Variants in PTPRD observed in about 807,000 individuals in gnomAD.
The protein encoded by PTPRD is protein tyrosine phosphatase receptor type D, also known as receptor-type tyrosine-protein phosphatase delta.
PTPRD carries 34 observed loss-of-function variants against 214.5 expected under a neutral mutation model. The observed-to-expected ratio is 0.16, with a 90% confidence interval of 0.12 to 0.21. PTPRD has a LOEUF of 0.21. PTPRD is among the 10% of genes least tolerant of loss of function. PTPRD has a pLI of 1.00. For missense variants in PTPRD, 2,545 were observed against 2,398.7 expected (o/e 1.06, Z -1.27); for synonymous variants, 1,128 against 845.7 (o/e 1.33, Z -5.79).
chr9:10,593,792 A>C (rs1423280588), intron 2 of PTPRD, among the ~76,000 whole-genome samples: 1 of 152,004 alleles, frequency 6.6e-6, no homozygotes, highest in Non-Finnish European at 1.5e-5. Flanking sequence ...TCCATAAAAA[A>C]ACTAAGCCTA....
At chr9:10,551,324 G>A (rs1428446353) in intron 2 of PTPRD, among the ~76,000 whole-genome samples, 1 of 152,098 alleles carries the variant, frequency 6.6e-6, no homozygotes, top group Non-Finnish European at 1.5e-5. Flanking sequence ...GGACTACACA[G>A]GGAGACCTTG....
chr9:10,210,423 A>G (rs1473894154), intron 3 of PTPRD, among the ~76,000 whole-genome samples: 1 of 152,128 alleles, frequency 6.6e-6, no homozygotes, highest in Non-Finnish European at 1.5e-5. Context: ...CCATGGATCA[A>G]TAACTAAGGT....
At chr9:10,219,427 T>C (rs766014620) in intron 3 of PTPRD, among the ~76,000 whole-genome samples, 10 of 151,884 alleles carry the variant, frequency 6.6e-5, no homozygotes, top group Non-Finnish European at 1.3e-4. Context: ...AGTTAATTTC[T>C]ATTCATGCTG....
chr9:10,536,940 G>A (rs1455468997), intron 2 of PTPRD, among the ~76,000 whole-genome samples: 1 of 152,046 alleles, frequency 6.6e-6, no homozygotes, highest in African/African-American at 2.4e-5. Context: ...TAATAGTAAA[G>A]CAGTACGGTT....
Position 9,737,717 on chromosome 9 carries a change from C to G in PTPRD, c.-325-3146G>C, listed in dbSNP as rs184830654. ...AAAATATTTCATCGAATGGATATAC[C>G]ACATATTGTTTATTCACTAGCCGAA... On this transcript the variant is annotated intron_variant, in intron 6 of 45. Transcript: ENST00000381196. Among the ~76,000 whole-genome samples the G allele has an allele frequency of 2.1e-3, 321 of 152,128 alleles. 1 individual carries two copies. Among genetic ancestry groups the G allele is most frequent in the African/African-American group, 7.2e-3 (299 of 41,508 alleles).
chr9:8,515,708 G>C (rs2097770628), intron 21 of PTPRD, among the ~76,000 whole-genome samples: 1 of 152,152 alleles, frequency 6.6e-6, no homozygotes, highest in Non-Finnish European at 1.5e-5. Flanking sequence ...ACCAACAGAA[G>C]TTAGGGCAGC....
chr9:9,569,066 T>C (rs1308874922), intron 8 of PTPRD, among the ~76,000 whole-genome samples: 1 of 151,756 alleles, frequency 6.6e-6, no homozygotes, highest in African/African-American at 2.4e-5. Context: ...TTTTGCTAGG[T>C]AATGGCCATT....
At chr9:10,478,220 T>G (rs756062940) in intron 2 of PTPRD, among the ~76,000 whole-genome samples, 30 of 152,220 alleles carry the variant, frequency 2.0e-4, no homozygotes, top group Non-Finnish European at 4.1e-4. Context: ...TAGTCATTAT[T>G]TCCCATTGAA....
chr9:9,778,653 G>T (rs2761723), intron 5 of PTPRD, among the ~76,000 whole-genome samples: 61,130 of 151,768 alleles, frequency 0.4, 12,528 homozygotes, highest in African/African-American at 0.48. Flanking sequence ...GCAGGAACAG[G>T]TACACAGTGT....
At chr9:10,056,268 C>T (rs2097646273) in intron 3 of PTPRD, among the ~76,000 whole-genome samples, 1 of 151,068 alleles carries the variant, frequency 6.6e-6, no homozygotes, top group South Asian at 2.1e-4. Flanking sequence ...TTGCAGTGAG[C>T]TGAGATCACG....
At position 9,400,092 on chromosome 9, in the gene PTPRD, G is replaced by GTTTTTTTTTTTTTTTT. The variant is rs3048790; in HGVS notation, c.-236-2626_-236-2611dup. Among the ~76,000 whole-genome samples the GTTTTTTTTTTTTTTTT allele has an allele frequency of 3.0e-5, 3 of 101,084 alleles. 1 individual carries two copies. The highest frequency in any genetic ancestry group is 3.9e-5 in the Non-Finnish European group (2 of 50,752). The allele number at this position is 101,084 out of a possible 152,430, so 66.3% of individuals were successfully genotyped here. A position where few individuals can be genotyped will look rare whatever the true frequency, so the allele number is the denominator to read the frequency against. ...AGTGTGGACCTAACTTTACCTACTAGTTTTTTTTTTTTTTTTTTGGACTGG... is the reference window on the plus strand; with the variant it reads ...AGTGTGGACCTAACTTTACCTACTAGTTTTTTTTTTTTTTTTTTTTTTTTTTTTTTTTTTGGACTGG... On this transcript the variant is annotated intron_variant, in intron 8 of 45. Coordinates refer to ENST00000381196, the MANE Select transcript of PTPRD (RefSeq NM_002839.4).
At chr9:8,471,481 A>G (rs7852952) in intron 30 of PTPRD, among the ~76,000 whole-genome samples, 129,263 of 152,100 alleles carry the variant, frequency 0.85, 55,524 homozygotes, top group East Asian at 0.96. Context: ...AAAGGAGGAT[A>G]TAGATGAAAA....
chr9:10,002,995 T>C (rs1448591386), intron 4 of PTPRD, among the ~76,000 whole-genome samples: 1 of 151,548 alleles, frequency 6.6e-6, no homozygotes, highest in Non-Finnish European at 1.5e-5. Context: ...GACCACCAAC[T>C]AAAATGAGAT....
rs141775594 is a variant in PTPRD at position 8,572,673 on chromosome 9, G to C, written c.353-43894C>G. The stretch of plus-strand genomic sequence containing the variant: ...AGGTACTTGAGTCAACCTCATTGGA[G>C]GCATTCAGAAATAGATTATATCAAA... On this transcript the variant is annotated intron_variant, in intron 14 of 45. Coordinates refer to ENST00000381196, the MANE Select transcript of PTPRD (RefSeq NM_002839.4). Among the ~76,000 whole-genome samples, 411 of 151,950 alleles carry C rather than the reference G, an allele frequency of 2.7e-3. 1 individual carries two copies. The highest frequency in any genetic ancestry group is 9.4e-3 in the African/African-American group (391 of 41,466).
At chr9:9,186,644 C>G (rs2099931751) in intron 9 of PTPRD, among the ~76,000 whole-genome samples, 2 of 150,842 alleles carry the variant, frequency 1.3e-5, no homozygotes, top group African/African-American at 4.9e-5. Context: ...CTCTCTCTCT[C>G]TCTCTCTCTC....
chr9:10,553,543 G>A (rs529701497), intron 2 of PTPRD, among the ~76,000 whole-genome samples: 4 of 149,392 alleles, frequency 2.7e-5, no homozygotes, highest in Non-Finnish European at 6.0e-5. Flanking sequence ...TCCAAGGATA[G>A]ACATTCACCT....
intron 8 of PTPRD, among the ~76,000 whole-genome samples, chr9:9,487,973 G>A (rs763084531): frequency 6.6e-6 from 1 of 152,110 alleles, no homozygotes; most frequent in African/African-American, 2.4e-5. Flanking sequence ...TAAATTCTGA[G>A]TATTTTTCCC....
intron 7 of PTPRD, among the ~76,000 whole-genome samples, chr9:9,584,361 T>TTATTATTATTAG (rs2091506413): frequency 6.6e-6 from 1 of 150,586 alleles, no homozygotes. Context: ...TTCATCACCA[T>TTATTATTATTAG]TATTATTATT....
intron 5 of PTPRD, among the ~76,000 whole-genome samples, chr9:9,898,849 C>A (rs2153802469): frequency 6.6e-6 from 1 of 152,170 alleles, no homozygotes; most frequent in Admixed American, 6.5e-5. Context: ...GTATACTAAA[C>A]CCACAGGATT....
Sources: gnomAD v4.1 joint callset for allele counts (sites outside exome capture counted in the v4.1 genomes callset) on GRCh38, gnomAD v4.1.1 for gene constraint, MANE v1.5 for transcripts, NCBI Gene and HGNC (gene_info 2026-07-23, HGNC 2026-07-21) for gene names.